Variants in RDX observed in about 807,000 individuals in gnomAD.
RDX encodes the protein deafness, autosomal recessive 24.
RDX carries 32 observed loss-of-function variants against 83.7 expected under a neutral mutation model. The observed-to-expected ratio is 0.38, with a 90% CI of 0.29 to 0.51. RDX has a LOEUF of 0.51. Ranked by LOEUF, RDX falls within the 20% of genes least tolerant of loss-of-function variation. The pLI, the probability that RDX is intolerant of heterozygous loss-of-function variation, is 0.87. For missense variants in RDX, 600 were observed against 689.9 expected (o/e 0.87, Z 1.46); for synonymous variants, 229 against 222.7 (o/e 1.03, Z -0.25).
intron 14 of RDX, among the ~76,000 whole-genome samples, chr11:110,216,678 C>T (rs544209505): frequency 6.6e-6 from 1 of 151,134 alleles, no homozygotes; most frequent in African/African-American, 2.4e-5. Flanking sequence ...ACACTGGGCC[C>T]TAATTTTATT....
intron 15 of RDX, among the ~76,000 whole-genome samples, chr11:110,199,037 A>G (rs929675733): frequency 6.6e-6 from 1 of 151,852 alleles, no homozygotes; most frequent in East Asian, 1.9e-4. Flanking sequence ...CTAGTCTCGA[A>G]CTCCTGACCT....
chr11:110,228,461 T>C (rs1864503126), downstream of RDX, among the ~76,000 whole-genome samples: 1 of 152,068 alleles, frequency 6.6e-6, no homozygotes, highest in South Asian at 2.1e-4. Context: ...AGCTCCACAC[T>C]GAACTGTTTT....
chr11:110,231,657 A>C lies in RDX; in HGVS notation c.*212T>G. 1 of 598,694 alleles carries C rather than the reference A, an allele frequency of 1.7e-6. No homozygotes were observed. The highest frequency in any genetic ancestry group is 3.0e-6 in the Non-Finnish European group (1 of 336,478). The allele number at this position is 598,694 out of a possible 1,614,324, so 37.1% of individuals were successfully genotyped here. A position where few individuals can be genotyped will look rare whatever the true frequency, so the allele number is the denominator to read the frequency against. On this transcript the variant is annotated 3_prime_UTR_variant, in exon 14 of 14. Coordinates refer to ENST00000645495, the MANE Select transcript of RDX (RefSeq NM_002906.4). ...AAGAGGCAATGGAACACCATTCTCCATTCCCTGGACCAAAAGAAAAAAGAA... is the reference window on the plus strand; with the variant it reads ...AAGAGGCAATGGAACACCATTCTCCCTTCCCTGGACCAAAAGAAAAAAGAA...
intron 5 of RDX, 28 bp from the exon 6 acceptor site, chr11:110,258,217 T>A: frequency 1.4e-5 from 19 of 1,322,898 alleles, no homozygotes; most frequent in Non-Finnish European, 1.8e-5. Flanking sequence ...AAAAAAAAAT[T>A]ATAATGACTT....
intron 15 of RDX, among the ~76,000 whole-genome samples, chr11:110,189,228 T>C (rs890362752): frequency 4.9e-5 from 3 of 60,688 alleles, no homozygotes; most frequent in Non-Finnish European, 1.1e-4. Flanking sequence ...AAACAAACTT[T>C]AAATGAACAA....
chr11:110,193,490 A>T (rs780139144), intron 15 of RDX, among the ~76,000 whole-genome samples: 21 of 151,540 alleles, frequency 1.4e-4, no homozygotes, highest in Non-Finnish European at 1.6e-4. Flanking sequence ...TCATGTAACA[A>T]ACCTACACAT....
chr11:110,254,028 G>T lies in RDX; in HGVS notation c.877C>A (p.Arg293=). ...LCMGNHELYM[R]RRKPDTIEVQ... The stretch of plus-strand genomic sequence containing the variant: ...TCAATAGTATCAGGCTTCCTTCTTC[G>T]CATGTATAGTTCATGGTTTCCCATA... Residue 293 remains arginine, a synonymous_variant, in exon 9 of 14, where the codon CGA becomes AGA. Coordinates refer to ENST00000645495, the MANE Select transcript of RDX (RefSeq NM_002906.4). The T allele has an allele frequency of 1.2e-6, 2 of 1,613,440 alleles. No homozygotes were observed. Among genetic ancestry groups the T allele is most frequent in the Non-Finnish European group, 1.7e-6 (2 of 1,179,714 alleles).
chr11:110,260,926 A>AT (rs1350401765), intron 5 of RDX, among the ~76,000 whole-genome samples: 4 of 152,108 alleles, frequency 2.6e-5, no homozygotes, highest in Non-Finnish European at 1.5e-5. Context: ...TTGCTGTGTT[A>AT]TTTTTTTCAC....
Position 110,264,211 on chromosome 11 carries a change from T to C in RDX, c.216A>G (p.Lys72=), listed in dbSNP as rs765006852. 13 of 1,606,372 alleles carry C rather than the reference T, an allele frequency of 8.1e-6. No individual in the cohort carries two copies. The highest frequency in any genetic ancestry group is 5.1e-6 in the Non-Finnish European group (6 of 1,175,802). Residue 72 remains lysine (K), a synonymous_variant, in exon 5 of 14, where the codon AAA becomes AAG. Transcript: ENST00000645495. ...TAAACTTGAACTGTAAAGGATTCTC[T>C]TTTTTAACATCCTGCTGTGTTACCT... ...NKKVTQQDVK[K]ENPLQFKFRA...
intron 3 of RDX, among the ~76,000 whole-genome samples, chr11:110,265,329 TG>T (rs1302482608): frequency 6.6e-6 from 1 of 151,930 alleles, no homozygotes; most frequent in Non-Finnish European, 1.5e-5. Flanking sequence ...TGACCTCAGG[TG>T]ATCTGCCTGC....
chr11:110,290,640 A>C (rs978058716), intron 1 of RDX, among the ~76,000 whole-genome samples: 1 of 152,238 alleles, frequency 6.6e-6, no homozygotes, highest in African/African-American at 2.4e-5. Context: ...GTGGCATATA[A>C]TAACTGTCCA....
chr11:110,199,715 A>G (rs535754633), intron 14 of RDX: 8 of 703,010 alleles, frequency 1.1e-5, no homozygotes, highest in Middle Eastern at 2.3e-4. Context: ...GAAAGCATTT[A>G]GCAAAAGAAC....
At chr11:110,183,885 G>A (rs1862935112) in intron 15 of RDX, among the ~76,000 whole-genome samples, 1 of 152,200 alleles carries the variant, frequency 6.6e-6, no homozygotes, top group Non-Finnish European at 1.5e-5. Flanking sequence ...TGGACTACAG[G>A]GCTCTGGCCA....
chr11:110,218,430 T>C (rs1177712028), intron 14 of RDX, among the ~76,000 whole-genome samples: 1 of 152,202 alleles, frequency 6.6e-6, no homozygotes, highest in African/African-American at 2.4e-5. Flanking sequence ...TGTGGGGTCC[T>C]CTCTTGCTTT....
chr11:110,241,072 A>C (rs1212727566), intron 10 of RDX, among the ~76,000 whole-genome samples: 1 of 147,060 alleles, frequency 6.8e-6, no homozygotes, highest in East Asian at 2.2e-4. Context: ...AAAAAAAAAA[A>C]AAAGGGGCGG....
chr11:110,293,504 T>C (rs376908136), intron 1 of RDX, among the ~76,000 whole-genome samples: 3 of 152,178 alleles, frequency 2.0e-5, no homozygotes, highest in East Asian at 1.9e-4. Flanking sequence ...TGGGGCCAGA[T>C]TGGACACCTC....
chr11:110,284,922 A>G (rs1860920894), intron 1 of RDX, among the ~76,000 whole-genome samples: 1 of 152,248 alleles, frequency 6.6e-6, no homozygotes, highest in African/African-American at 2.4e-5. Flanking sequence ...GACAGAGATA[A>G]GAATTTTAAA....
At chr11:110,183,232 T>A (rs1199411042) in intron 15 of RDX, among the ~76,000 whole-genome samples, 1 of 152,204 alleles carries the variant, frequency 6.6e-6, no homozygotes, top group Non-Finnish European at 1.5e-5. Context: ...GAGGTGGCGA[T>A]GCAGCCCAGT....
intron 1 of RDX, among the ~76,000 whole-genome samples, chr11:110,280,549 T>C (rs1444268383): frequency 6.6e-6 from 1 of 152,266 alleles, no homozygotes; most frequent in Non-Finnish European, 1.5e-5. Flanking sequence ...GCGCCTGGCT[T>C]ATTTTTTCTT....
Sources: allele counts gnomAD v4.1 joint callset (sites outside exome capture counted in the v4.1 genomes callset), GRCh38; gene constraint gnomAD v4.1.1; transcripts MANE v1.5; gene names NCBI Gene and HGNC (gene_info 2026-07-23, HGNC 2026-07-21).